GRID2: variants seen among roughly 807,000 people sequenced by gnomAD.
GRID2 encodes the protein glutamate ionotropic receptor delta type subunit 2.
A neutral mutation model predicts 114.8 loss-of-function variants in GRID2; 33 were observed. The observed-to-expected ratio is 0.29, with a 90% CI of 0.22 to 0.38. The LOEUF is 0.38. Among genes scored for constraint, GRID2 ranks in the 10% least tolerant of loss-of-function variants. The probability of loss-of-function intolerance (pLI) is 1.00; values close to 1 mark genes in which losing one functional copy is unlikely to be tolerated. For missense variants in GRID2, 1,184 were observed against 1,257.7 expected (o/e 0.94, Z 0.89); for synonymous variants, 505 against 449.9 (o/e 1.12, Z -1.55).
intron 14 of GRID2, among the ~76,000 whole-genome samples, chr4:93,742,764 A>G (rs1731526023): frequency 6.6e-6 from 1 of 152,086 alleles, no homozygotes; most frequent in African/African-American, 2.4e-5. Context: ...CTCACGGACC[A>G]TTCCCCTCAT....
At chr4:92,733,448 T>TA (rs1736431017) in intron 2 of GRID2, among the ~76,000 whole-genome samples, 1 of 152,024 alleles carries the variant, frequency 6.6e-6, no homozygotes, top group South Asian at 2.1e-4. Context: ...GAGTCAGAGC[T>TA]AGTTGGTGTT....
At chr4:93,321,043 T>C (rs894526341) in intron 8 of GRID2, among the ~76,000 whole-genome samples, 1 of 152,022 alleles carries the variant, frequency 6.6e-6, no homozygotes, top group Non-Finnish European at 1.5e-5. Context: ...TTGCCCCAAA[T>C]TGGGCAAGCT....
At chr4:92,556,725 C>T (rs1246612662) in intron 1 of GRID2, among the ~76,000 whole-genome samples, 1 of 152,118 alleles carries the variant, frequency 6.6e-6, no homozygotes, top group Non-Finnish European at 1.5e-5. Context: ...CATCTGCTGG[C>T]TGGAGACCAC....
At chr4:92,488,876 ACT>A (rs1474258494) in intron 1 of GRID2, among the ~76,000 whole-genome samples, 8 of 151,750 alleles carry the variant, frequency 5.3e-5, no homozygotes, top group Non-Finnish European at 1.0e-4. Context: ...TGCTGAGAAA[ACT>A]CTACTCAAGG....
At chr4:93,469,597 G>T (rs1303746997) in intron 11 of GRID2, among the ~76,000 whole-genome samples, 1 of 151,824 alleles carries the variant, frequency 6.6e-6, no homozygotes, top group African/African-American at 2.4e-5. Context: ...TCCTTACCAA[G>T]GCCAACTCTT....
At chr4:92,776,252 T>C (rs1334394844) in intron 2 of GRID2, among the ~76,000 whole-genome samples, 1 of 152,178 alleles carries the variant, frequency 6.6e-6, no homozygotes, top group Non-Finnish European at 1.5e-5. Context: ...GATACCAGTA[T>C]ACTGATACAG....
intron 1 of GRID2, among the ~76,000 whole-genome samples, chr4:92,515,578 G>T (rs1445925052): frequency 6.6e-6 from 1 of 151,752 alleles, no homozygotes; most frequent in Non-Finnish European, 1.5e-5. Context: ...TTAATAATGG[G>T]TTTATCCTAT....
At chr4:93,190,234 C>A (rs533837074) in intron 4 of GRID2, among the ~76,000 whole-genome samples, 2 of 151,936 alleles carry the variant, frequency 1.3e-5, no homozygotes, top group African/African-American at 4.8e-5. Context: ...ATATAGACTT[C>A]TTGTTTATAA....
intron 1 of GRID2, among the ~76,000 whole-genome samples, chr4:92,390,754 A>G (rs1730202118): frequency 6.6e-6 from 1 of 152,078 alleles, no homozygotes; most frequent in Non-Finnish European, 1.5e-5. Flanking sequence ...CATAAGAAAA[A>G]CACTTCATAT....
At chr4:93,225,040 A>G (rs1033502238) in intron 7 of GRID2, among the ~76,000 whole-genome samples, 2 of 152,150 alleles carry the variant, frequency 1.3e-5, no homozygotes, top group Non-Finnish European at 2.9e-5. Flanking sequence ...TTAGCATTAG[A>G]GATACTGAAA....
chr4:92,939,764 A>C (rs577179490), intron 2 of GRID2, among the ~76,000 whole-genome samples: 1 of 147,560 alleles, frequency 6.8e-6, no homozygotes, highest in African/African-American at 2.4e-5. Context: ...GAAGGGATCC[A>C]GTTTCAGCTT....
chr4:93,506,713 T>C (rs1028028454), intron 12 of GRID2, among the ~76,000 whole-genome samples: 4 of 152,148 alleles, frequency 2.6e-5, no homozygotes, highest in Admixed American at 1.3e-4. Flanking sequence ...GTTCCTCCTA[T>C]GGCACCCTCT....
At chr4:93,040,539 CA>C (rs1560819815) in intron 2 of GRID2, among the ~76,000 whole-genome samples, 1 of 152,090 alleles carries the variant, frequency 6.6e-6, no homozygotes, top group Non-Finnish European at 1.5e-5. Context: ...TGGTTATTAT[CA>C]GTAAGAACAA....
chr4:93,617,621 TTA>T (rs1323888877), intron 13 of GRID2, among the ~76,000 whole-genome samples: 1 of 152,176 alleles, frequency 6.6e-6, no homozygotes, highest in Non-Finnish European at 1.5e-5. Context: ...GGCATTGGTA[TTA>T]TAATCATTCT....
At chr4:92,865,023 AC>A (rs1477604275) in intron 2 of GRID2, among the ~76,000 whole-genome samples, 2 of 152,148 alleles carry the variant, frequency 1.3e-5, no homozygotes, top group African/African-American at 2.4e-5. Context: ...TACTAAACCT[AC>A]AAAACTTGTC....
intron 1 of GRID2, among the ~76,000 whole-genome samples, chr4:92,389,287 A>G (rs766344016): frequency 1.3e-5 from 2 of 152,082 alleles, no homozygotes; most frequent in Non-Finnish European, 2.9e-5. Flanking sequence ...CATAGCAGAG[A>G]TGTGGAAAGG....
intron 4 of GRID2, among the ~76,000 whole-genome samples, chr4:93,123,862 A>G (rs6850001): frequency 0.067 from 10,111 of 151,680 alleles, 608 homozygotes; most frequent in East Asian, 0.21. Context: ...ATGAATCCAA[A>G]AATAATTAAA....
At chr4:92,788,488 T>C (rs1739422378) in intron 2 of GRID2, among the ~76,000 whole-genome samples, 1 of 151,914 alleles carries the variant, frequency 6.6e-6, no homozygotes, top group Non-Finnish European at 1.5e-5. Flanking sequence ...GCACATGTGT[T>C]CATCCTTAAA....
chr4:93,243,644 A>G (rs1338407415), intron 8 of GRID2, among the ~76,000 whole-genome samples: 1 of 152,018 alleles, frequency 6.6e-6, no homozygotes, highest in Non-Finnish European at 1.5e-5. Context: ...CAAATTTTGG[A>G]CTAGTCTTTG....
Sources: gnomAD v4.1 joint callset for allele counts (sites outside exome capture counted in the v4.1 genomes callset) on GRCh38, gnomAD v4.1.1 for gene constraint, MANE v1.5 for transcripts, NCBI Gene and HGNC (gene_info 2026-07-23, HGNC 2026-07-21) for gene names.